The following MMP26 variants were observed in gnomAD, a reference collection of about 807,000 sequenced individuals.
The protein encoded by MMP26 is matrix metallopeptidase 26.
In MMP26, 33 loss-of-function variants were observed where a neutral mutation model predicts 31.0. The ratio of observed to expected loss-of-function variants is 1.06; its 90% CI spans 0.81 to 1.42. MMP26 has a LOEUF of 1.42. MMP26 is among the 40% of genes most tolerant of loss of function. The pLI is 0.00. For synonymous variants in MMP26, 122 were observed against 114.9 expected (o/e 1.06, Z -0.40); for missense variants, 347 against 316.1 (o/e 1.10, Z -0.74).
intron 1 of MMP26, among the ~76,000 whole-genome samples, chr11:4,726,243 G>A (rs980244142): frequency 4.0e-5 from 6 of 151,828 alleles, no homozygotes; most frequent in Admixed American, 3.3e-4. Flanking sequence ...TTGGGAGACC[G>A]AGGAGAATGG....
intron 2 of MMP26, among the ~76,000 whole-genome samples, chr11:4,799,376 G>A (rs530003744): frequency 3.3e-5 from 5 of 151,970 alleles, no homozygotes; most frequent in Admixed American, 6.6e-5. Flanking sequence ...GAAGGGGGGG[G>A]TCTCAGGCTC....
chr11:4,711,809 G>C (rs1406228481), intron 1 of MMP26: 3 of 152,268 alleles, frequency 2.0e-5, no homozygotes, highest in African/African-American at 7.2e-5. Context: ...ATGTATGAAA[G>C]AGTAACACTT....
intron 2 of MMP26, chr11:4,907,271 A>G (rs1052978588): frequency 1.4e-6 from 1 of 721,948 alleles, no homozygotes; most frequent in Non-Finnish European, 2.3e-6. Flanking sequence ...TATACGAATG[A>G]ACCCCTTATC....
chr11:4,908,979 G>T (rs1034797846), intron 2 of MMP26: 2 of 152,460 alleles, frequency 1.3e-5, no homozygotes, highest in African/African-American at 4.8e-5. Flanking sequence ...TAGGCAGGGA[G>T]AGAACAAGAT....
chr11:4,709,225 G>T (rs927553938), intron 1 of MMP26, among the ~76,000 whole-genome samples: 1 of 152,046 alleles, frequency 6.6e-6, no homozygotes, highest in African/African-American at 2.4e-5. Flanking sequence ...CCATCTGCCC[G>T]TGTACATACA....
intron 1 of MMP26, among the ~76,000 whole-genome samples, chr11:4,735,129 A>G (rs1471737653): frequency 6.6e-6 from 1 of 152,184 alleles, no homozygotes; most frequent in Non-Finnish European, 1.5e-5. Flanking sequence ...CTTGGAGTGG[A>G]GCTATCAGCT....
In MMP26 at chr11:4,805,146, A is replaced by G. The variant is rs117570014; in HGVS notation, c.-145+37805A>G. Among the ~76,000 whole-genome samples, 7 of 152,266 alleles carry G rather than the reference A, an allele frequency of 4.6e-5. No individual in the cohort carries two copies. The East Asian group carries it at 9.6e-4, about 21-fold the overall frequency. On this transcript the variant is annotated intron_variant, in intron 2 of 7. Transcript: ENST00000380390. ...AAACCTCTGGTTAGCCACTTGGCCA[A>G]TTTCTCAGAGTAGGAAGTCAGTAGA... is the stretch of plus-strand genomic sequence containing the variant.
At chr11:4,748,876 A>G (rs1448185743) in intron 1 of MMP26, among the ~76,000 whole-genome samples, 1 of 152,074 alleles carries the variant, frequency 6.6e-6, no homozygotes, top group African/African-American at 2.4e-5. Context: ...TTCTCTAAGA[A>G]CTGAAACAAG....
At chr11:4,990,010 G>A in intron 4 of MMP26, 142 bp downstream of exon 4, 2 of 641,776 alleles carry the variant, frequency 3.1e-6, no homozygotes, top group Admixed American at 5.4e-5. Flanking sequence ...CCTCAGAGAA[G>A]GTAATACTAC....
At chr11:4,788,289 C>G (rs1047357164) in intron 2 of MMP26, among the ~76,000 whole-genome samples, 4 of 151,844 alleles carry the variant, frequency 2.6e-5, no homozygotes, top group Non-Finnish European at 4.4e-5. Context: ...AAGCCATGAG[C>G]TCCCTCTGTG....
chr11:4,938,364 G>C (rs1166676208), intron 2 of MMP26: 1 of 151,638 alleles, frequency 6.6e-6, no homozygotes, highest in Non-Finnish European at 1.5e-5. Flanking sequence ...TGAACTTATG[G>C]TAGAAGATAT....
chr11:4,780,893 G>C (rs1848849559), intron 2 of MMP26, among the ~76,000 whole-genome samples: 1 of 151,418 alleles, frequency 6.6e-6, no homozygotes, highest in African/African-American at 2.4e-5. Context: ...AGGTAAATAT[G>C]TATCTGTAGA....
intron 2 of MMP26, among the ~76,000 whole-genome samples, chr11:4,801,458 A>C (rs1383390009): frequency 6.6e-6 from 1 of 151,812 alleles, no homozygotes; most frequent in East Asian, 1.9e-4. Context: ...ATCACATGGC[A>C]GGAGTGGGAA....
chr11:4,820,390 A>T (rs1849478647), intron 2 of MMP26, among the ~76,000 whole-genome samples: 1 of 152,036 alleles, frequency 6.6e-6, no homozygotes. Flanking sequence ...AATGCTGGCT[A>T]TTGTGTTTTT....
intron 2 of MMP26, among the ~76,000 whole-genome samples, chr11:4,779,895 C>T (rs775162374): frequency 8.5e-5 from 13 of 152,134 alleles, no homozygotes; most frequent in Non-Finnish European, 1.5e-4. Flanking sequence ...ACTGAAGCAC[C>T]GTATTTTTTT....
chr11:4,980,414 C>A (rs1174586215), intron 2 of MMP26, among the ~76,000 whole-genome samples: 1 of 151,988 alleles, frequency 6.6e-6, no homozygotes, highest in East Asian at 1.9e-4. Context: ...TTTGGGGTAA[C>A]ATTACATGAA....
intron 2 of MMP26, among the ~76,000 whole-genome samples, chr11:4,927,809 T>C (rs778505512): frequency 9.9e-5 from 15 of 151,618 alleles, no homozygotes; most frequent in Non-Finnish European, 1.9e-4. Flanking sequence ...CGAGTTCTCA[T>C]GGCTTTTTCT....
In MMP26 at chr11:4,915,347, A is replaced by T. The variant is rs140123453; in HGVS notation, c.-144-72721A>T. ...GAAGGAGAAGCAGTGAATGAAAAAG[A>T]GCTGAGCAAAGCAGGCATCATGGCT... On this transcript the variant is annotated intron_variant, in intron 2 of 7. Coordinates refer to ENST00000380390, the MANE Select transcript of MMP26 (RefSeq NM_021801.5). 1.5e-4 allele frequency: 243 copies of T among 1,614,020 alleles called. 1 individual carries two copies. The African/African-American group carries it at 2.9e-3, about 19-fold the overall frequency.
intron 1 of MMP26, among the ~76,000 whole-genome samples, chr11:4,742,278 G>A (rs1271447392): frequency 6.6e-6 from 1 of 152,206 alleles, no homozygotes; most frequent in Non-Finnish European, 1.5e-5. Flanking sequence ...ACAAAGACAA[G>A]TATAGTGGAA....
Sources: gnomAD v4.1 joint callset for allele counts (sites outside exome capture counted in the v4.1 genomes callset) on GRCh38, gnomAD v4.1.1 for gene constraint, MANE v1.5 for transcripts, NCBI Gene and HGNC (gene_info 2026-07-23, HGNC 2026-07-21) for gene names.